LMO7: variants seen among roughly 807,000 people sequenced by gnomAD.
LMO7 encodes the protein LIM domain only protein 7.
In LMO7, 120 loss-of-function variants were observed where a neutral mutation model predicts 206.5. The observed-to-expected ratio is 0.58, with a 90% CI of 0.50 to 0.68. LMO7 has a LOEUF of 0.68. Ranked by LOEUF, LMO7 falls within the 30% of genes least tolerant of loss-of-function variation. The pLI, the probability that LMO7 is intolerant of heterozygous loss-of-function variation, is 0.00. For missense variants in LMO7, 1,959 were observed against 1,957.9 expected, an observed-to-expected ratio of 1.00 and a Z score of -0.01; for synonymous variants, 706 against 681.5, an observed-to-expected ratio of 1.04 and a Z score of -0.56.
chr13:75,718,384 A>G (rs1421600537), intron 2 of LMO7, among the ~76,000 whole-genome samples: 2 of 152,170 alleles, frequency 1.3e-5, no homozygotes, highest in African/African-American at 4.8e-5. Context: ...TGAGGGATCG[A>G]GAGGAATTTA....
chr13:75,728,238 C>G lies in LMO7; in HGVS notation c.210+1140C>G, dbSNP rs182914447. On this transcript the variant is annotated intron_variant, in intron 3 of 30. Coordinates refer to ENST00000377534, the MANE Select transcript of LMO7 (RefSeq NM_001306080.2). Reference sequence around the variant, plus strand: ...TGGATGAACTAGTTTACAGTCCCACCAACAGTGTAAAAGTGTTCCTATTTC... The same window carrying G: ...TGGATGAACTAGTTTACAGTCCCACGAACAGTGTAAAAGTGTTCCTATTTC... 4.9e-3 allele frequency among the ~76,000 whole-genome samples: 747 copies of G among 152,264 alleles called. 8 individuals are homozygous for G. The highest frequency in any genetic ancestry group is 0.017 in the African/African-American group (705 of 41,566).
At chr13:75,847,029 C>CA (rs34127474) in intron 26 of LMO7, among the ~76,000 whole-genome samples, 13,404 of 112,310 alleles carry the variant, frequency 0.12, 824 homozygotes, top group African/African-American at 0.21. Flanking sequence ...GACTCTGTCT[C>CA]AAAAAAAAAA....
chr13:75,751,118 C>T (rs1006476085), intron 3 of LMO7, among the ~76,000 whole-genome samples: 1 of 144,282 alleles, frequency 6.9e-6, no homozygotes, highest in Non-Finnish European at 1.5e-5. Context: ...AATTGATCAG[C>T]ATCATCATGT....
intron 3 of LMO7, among the ~76,000 whole-genome samples, chr13:75,754,819 T>G (rs1158514191): frequency 1.3e-5 from 2 of 152,198 alleles, no homozygotes; most frequent in Non-Finnish European, 2.9e-5. Context: ...GTTAACAAAG[T>G]CCTGTCTTAC....
intron 1 of LMO7, among the ~76,000 whole-genome samples, chr13:75,687,902 C>T (rs2041148417): frequency 6.6e-6 from 1 of 152,124 alleles, no homozygotes; most frequent in Non-Finnish European, 1.5e-5. Context: ...CCATAATCCC[C>T]ACGTGTTGTA....
intron 1 of LMO7, among the ~76,000 whole-genome samples, chr13:75,677,707 A>G (rs1175093897): frequency 6.6e-6 from 1 of 150,798 alleles, no homozygotes; most frequent in African/African-American, 2.4e-5. Flanking sequence ...TTTGTTACAT[A>G]TGTATACATG....
chr13:75,722,805 G>GTA lies in LMO7; in HGVS notation c.141-4218_141-4217dup, dbSNP rs1477027883. 1.2e-4 allele frequency among the ~76,000 whole-genome samples: 19 copies of GTA among 152,266 alleles called. No individual in the cohort carries two copies. In the East Asian group the frequency reaches 3.3e-3, roughly 26 times the overall value. ...AATGAGTGGATAAAGAAAATGTGGT[G>GTA]TATATATGCATATACCATGGAATAC... On this transcript the variant is annotated intron_variant, in intron 2 of 30. Coordinates refer to ENST00000377534, the MANE Select transcript of LMO7 (RefSeq NM_001306080.2).
chr13:75,696,822 C>G (rs1489744466), intron 1 of LMO7, among the ~76,000 whole-genome samples: 1 of 152,118 alleles, frequency 6.6e-6, no homozygotes. Context: ...AGGGGCCAGA[C>G]AGGTAGACTT....
intron 1 of LMO7, among the ~76,000 whole-genome samples, chr13:75,680,914 A>T (rs1389462694): frequency 3.3e-5 from 5 of 152,162 alleles, no homozygotes; most frequent in Non-Finnish European, 7.4e-5. Context: ...TTCGCTAATC[A>T]TCAGTGAGTT....
intron 2 of LMO7, among the ~76,000 whole-genome samples, chr13:75,714,997 T>A (rs1566342135): frequency 6.6e-6 from 1 of 152,212 alleles, no homozygotes; most frequent in Admixed American, 6.5e-5. Flanking sequence ...CTTTTTAGAT[T>A]TACAAAAGCA....
At chr13:75,847,143 C>T (rs1303020870) in intron 26 of LMO7, among the ~76,000 whole-genome samples, 3 of 151,880 alleles carry the variant, frequency 2.0e-5, no homozygotes, top group Non-Finnish European at 2.9e-5. Flanking sequence ...TTGCTCATTG[C>T]TTAGTGGAAG....
chr13:75,759,969 C>A (rs1317579752), intron 3 of LMO7, among the ~76,000 whole-genome samples: 1 of 152,094 alleles, frequency 6.6e-6, no homozygotes, highest in African/African-American at 2.4e-5. Flanking sequence ...GGGAGGCCAC[C>A]CCTTTACCAG....
rs1333127626 is a variant in LMO7, at chr13:75,636,522, G to T, written c.-136G>T. ...CGCAACAAAGGGAACTAGAGCCCCG[G>T]CGCCTTCGCAGCCGGAGCGGAAGCC... On this transcript the variant is annotated 5_prime_UTR_variant, in exon 1 of 31. Transcript: ENST00000377534. 6.6e-7 allele frequency: 1 copy of T among 1,514,942 alleles called. No individual in the cohort carries two copies. Among genetic ancestry groups the T allele is most frequent in the Non-Finnish European group, 8.8e-7 (1 of 1,139,430 alleles). 93.8% of individuals were successfully genotyped at this position (1,514,942 alleles called of 1,614,324 possible).
In LMO7 at chr13:75,840,434, A is replaced by G. The variant is rs1353150280; in HGVS notation, c.3521A>G (p.Asp1174Gly). ...AGTGCCCCGAGTCGCTGGGTGTGGG[A>G]TCAAGAGGAGGAGCGGAAGCGGCAG... The part of the protein sequence containing the change: ...TISAPSRWVW[D>G]QEEERKRQER... Residue 1174 changes from aspartate to glycine, a missense_variant, in exon 22 of 31, where the codon GAT becomes GGT. Asp to Gly is a moderately conservative substitution (Grantham distance 94, BLOSUM62 -1). Transcript: ENST00000377534. The G allele has an allele frequency of 6.2e-7, 1 of 1,613,880 alleles. No individual in the cohort carries two copies. Among genetic ancestry groups the G allele is most frequent in the Non-Finnish European group, 8.5e-7 (1 of 1,179,974 alleles).
In LMO7 at chr13:75,857,970, T is replaced by C; in HGVS notation, c.*27T>C. On this transcript the variant is annotated 3_prime_UTR_variant, in exon 31 of 31. Coordinates refer to ENST00000377534, the MANE Select transcript of LMO7 (RefSeq NM_001306080.2). ...GTAAGCCTCCATACGAAAGCACTGT[T>C]GCAGATAGAAGAAGAGGTGGTTGCT... The C allele has an allele frequency of 6.2e-7, 1 of 1,610,104 alleles. No individual in the cohort carries two copies. The highest frequency in any genetic ancestry group is 8.5e-7 in the Non-Finnish European group (1 of 1,177,936).
chr13:75,734,209 A>G (rs2045573533), intron 3 of LMO7, among the ~76,000 whole-genome samples: 5 of 152,218 alleles, frequency 3.3e-5, no homozygotes. Context: ...TGTATAAAAT[A>G]TACCCCACAC....
At chr13:75,701,339 G>A (rs2042273856) in intron 1 of LMO7, among the ~76,000 whole-genome samples, 1 of 152,150 alleles carries the variant, frequency 6.6e-6, no homozygotes, top group Admixed American at 6.5e-5. Context: ...GGTAGCAAGG[G>A]CGTAACTGTC....
chr13:75,758,395 A>G (rs942611902), intron 3 of LMO7, among the ~76,000 whole-genome samples: 11 of 152,186 alleles, frequency 7.2e-5, no homozygotes, highest in Admixed American at 4.6e-4. Flanking sequence ...GCTCAAATCC[A>G]GTAGGAATGA....
In LMO7 at chr13:75,760,954, A is replaced by G. The variant is rs781769535; in HGVS notation, c.233A>G (p.Lys78Arg). Reference sequence around the variant, plus strand: ...CAGGATAATATAAACGTTTTCTTGAAAGCTTGTGAACAGATTGGATTGAAA... The same window carrying G: ...CAGGATAATATAAACGTTTTCTTGAGAGCTTGTGAACAGATTGGATTGAAA... ...AGLDNINVFL[K>R]ACEQIGLKEA... The change falls in exon 4 of 31, where the codon AAA becomes AGA. Residue 78 changes from lysine to arginine, a missense_variant. Transcript: ENST00000377534. 1.2e-6 allele frequency: 2 copies of G among 1,613,542 alleles called. No individual in the cohort carries two copies. The highest frequency in any genetic ancestry group is 8.5e-7 in the Non-Finnish European group (1 of 1,179,760).
Sources: allele counts gnomAD v4.1 joint callset (sites outside exome capture counted in the v4.1 genomes callset), GRCh38; gene constraint gnomAD v4.1.1; transcripts MANE v1.5; gene names NCBI Gene and HGNC (gene_info 2026-07-23, HGNC 2026-07-21).